GPHN: variants seen among roughly 807,000 people sequenced by gnomAD.
GPHN encodes gephyrin.
In GPHN, 17 loss-of-function variants were observed where a neutral mutation model predicts 95.5. The observed-to-expected ratio is 0.18, with a 90% confidence interval of 0.12 to 0.27. GPHN has a LOEUF of 0.27. Ranked by LOEUF, GPHN falls within the 10% of genes least tolerant of loss-of-function variation. GPHN has a pLI of 1.00. For missense variants in GPHN, 660 were observed against 978.1 expected (o/e 0.67, Z 4.34); for synonymous variants, 320 against 322.5 (o/e 0.99, Z 0.08).
chr14:67,373,678 G>T, the GPHN span, among the ~76,000 whole-genome samples: 2 of 152,262 alleles, frequency 1.3e-5, no homozygotes, highest in East Asian at 3.9e-4. Flanking sequence ...ACCTTTCATG[G>T]GTTTTAGTTT....
chr14:67,723,479 C>G, the GPHN span, among the ~76,000 whole-genome samples: 2 of 152,178 alleles, frequency 1.3e-5, no homozygotes, highest in South Asian at 2.1e-4. Flanking sequence ...AAGCGACCAT[C>G]CCACGTTGGC....
the GPHN span, among the ~76,000 whole-genome samples, chr14:67,422,690 C>T: frequency 2.9e-3 from 443 of 152,282 alleles, 1 homozygote; most frequent in Non-Finnish European, 5.0e-3. Flanking sequence ...TAGAATGCTT[C>T]GGGCTGCAAG....
intron 3 of GPHN, among the ~76,000 whole-genome samples, chr14:66,778,686 C>T (rs2059483939): frequency 7.6e-6 from 1 of 132,200 alleles, no homozygotes; most frequent in Admixed American, 7.9e-5. Flanking sequence ...AAATTCAATT[C>T]AAAATAATTA....
intron 1 of GPHN, among the ~76,000 whole-genome samples, chr14:66,639,333 A>C (rs760913516): frequency 3.9e-5 from 6 of 152,192 alleles, no homozygotes; most frequent in African/African-American, 7.2e-5. Flanking sequence ...TGATGATGTC[A>C]GTTCAAGAAG....
the GPHN span, among the ~76,000 whole-genome samples, chr14:67,694,477 T>TAC: frequency 0.43 from 61,112 of 142,690 alleles, 15,494 homozygotes; most frequent in Non-Finnish European, 0.59. Context: ...TATATATATA[T>TAC]ACACACACAC....
intron 19 of GPHN, among the ~76,000 whole-genome samples, chr14:67,161,702 A>G (rs1205506660): frequency 6.6e-6 from 1 of 152,014 alleles, no homozygotes; most frequent in Non-Finnish European, 1.5e-5. Context: ...GCAGTGAGCC[A>G]TGATAGCACC....
intron 16 of GPHN, among the ~76,000 whole-genome samples, chr14:67,119,219 A>T (rs540334529): frequency 5.3e-5 from 8 of 152,322 alleles, no homozygotes; most frequent in African/African-American, 1.4e-4. Flanking sequence ...TTCAAGTTAC[A>T]TGTCCTGGTT....
At chr14:66,955,861 A>G (rs1411225547) in intron 8 of GPHN, among the ~76,000 whole-genome samples, 6 of 152,188 alleles carry the variant, frequency 3.9e-5, no homozygotes, top group Non-Finnish European at 8.8e-5. Context: ...ATCTTCATCC[A>G]TGTCCCTACA....
chr14:66,680,425 C>G (rs1358853950), intron 1 of GPHN, among the ~76,000 whole-genome samples: 1 of 152,224 alleles, frequency 6.6e-6, no homozygotes, highest in African/African-American at 2.4e-5. Flanking sequence ...GCCCCATGGC[C>G]TGTTCTCCCA....
At chr14:67,728,385 A>G in the GPHN span, among the ~76,000 whole-genome samples, 2 of 152,214 alleles carry the variant, frequency 1.3e-5, no homozygotes, top group Admixed American at 1.3e-4. Context: ...ATGAAAAGAC[A>G]GGCACTGACA....
intron 11 of GPHN, among the ~76,000 whole-genome samples, chr14:67,066,053 A>G (rs2076044142): frequency 6.6e-6 from 1 of 152,174 alleles, no homozygotes; most frequent in South Asian, 2.1e-4. Flanking sequence ...ACAATTTGGC[A>G]GGTTTTTGCA....
the GPHN span, among the ~76,000 whole-genome samples, chr14:67,356,443 A>C: frequency 7.0e-5 from 10 of 142,064 alleles, no homozygotes; most frequent in Non-Finnish European, 1.5e-4. Flanking sequence ...ACAAAAAAAA[A>C]AAAACAAAAA....
At chr14:66,954,695 C>T (rs2068363568) in intron 8 of GPHN, among the ~76,000 whole-genome samples, 1 of 152,124 alleles carries the variant, frequency 6.6e-6, no homozygotes, top group South Asian at 2.1e-4. Flanking sequence ...CATCCTTTTT[C>T]CTGAATTTAG....
chr14:67,094,711 A>G (rs1174061813), intron 12 of GPHN, among the ~76,000 whole-genome samples: 1 of 152,202 alleles, frequency 6.6e-6, no homozygotes, highest in Non-Finnish European at 1.5e-5. Flanking sequence ...CATGCACCAC[A>G]TTAGCATTTG....
the GPHN span, chr14:67,576,471 T>C: frequency 1.2e-6 from 2 of 1,601,874 alleles, no homozygotes; most frequent in Admixed American, 1.7e-5. This position sits in a 1 kb window ranked among gnomAD's most constrained non-coding sequence, Gnocchi z 4.0. Flanking sequence ...GAGCAGCTCA[T>C]TGGAAAACTG....
chr14:67,121,596 G>A (rs1396048819), intron 16 of GPHN, among the ~76,000 whole-genome samples: 1 of 152,126 alleles, frequency 6.6e-6, no homozygotes, highest in African/African-American at 2.4e-5. Context: ...TACCTCATTG[G>A]AACATCCTAA....
intron 22 of GPHN, 40 bp downstream of exon 22, chr14:67,179,714 C>G (rs1275955021): frequency 1.1e-6 from 1 of 951,952 alleles, no homozygotes; most frequent in African/African-American, 1.6e-5. Flanking sequence ...AGACACCTAT[C>G]CTGTTAAAAC....
At chr14:67,365,181 C>T in the GPHN span, among the ~76,000 whole-genome samples, 1 of 152,084 alleles carries the variant, frequency 6.6e-6, no homozygotes, top group Non-Finnish European at 1.5e-5. Context: ...TAAGCAAGAT[C>T]TCTTAATAGT....
chr14:67,031,270 C>T (rs2074184528), intron 10 of GPHN, among the ~76,000 whole-genome samples: 1 of 151,984 alleles, frequency 6.6e-6, no homozygotes, highest in Non-Finnish European at 1.5e-5. Flanking sequence ...TTTTATTATT[C>T]CCAGGAAAGA....
Sources: gnomAD v4.1 joint callset for allele counts (sites outside exome capture counted in the v4.1 genomes callset) on GRCh38, gnomAD v4.1.1 for gene constraint, Gnocchi (gnomAD v3.1) non-coding constraint, MANE v1.5 for transcripts, NCBI Gene and HGNC (gene_info 2026-07-23, HGNC 2026-07-21) for gene names.